MYO5A: variants seen among roughly 807,000 people sequenced by gnomAD.
MYO5A encodes the protein unconventional myosin-Va.
In MYO5A, 98 loss-of-function variants were observed where a neutral mutation model predicts 249.7. That is an observed-to-expected ratio of 0.39 (90% CI 0.33 to 0.46). The LOEUF is 0.46. Ranked by LOEUF, MYO5A falls within the 20% of genes least tolerant of loss-of-function variation. The probability of loss-of-function intolerance (pLI) is 0.98; values close to 1 mark genes in which losing one functional copy is unlikely to be tolerated. For synonymous variants in MYO5A, 778 were observed against 810.6 expected (o/e 0.96, Z 0.68); for missense variants, 1,696 against 2,308.8 (o/e 0.73, Z 5.44).
chr15:52,410,866 A>T (rs1250404264), intron 5 of MYO5A, among the ~76,000 whole-genome samples: 3 of 152,174 alleles, frequency 2.0e-5, no homozygotes, highest in African/African-American at 7.2e-5. Context: ...GTGAGCCACC[A>T]CACCTGGCCA....
chr15:52,474,133 T>C (rs979750222), intron 1 of MYO5A, among the ~76,000 whole-genome samples: 4 of 152,192 alleles, frequency 2.6e-5, no homozygotes, highest in African/African-American at 9.7e-5. Context: ...TTCCTAGGTA[T>C]TTTATTCTCT....
chr15:52,504,331 C>T (rs2272283), intron 1 of MYO5A, among the ~76,000 whole-genome samples: 22,845 of 151,974 alleles, frequency 0.15, 1,827 homozygotes, highest in Middle Eastern at 0.22. Flanking sequence ...TTTAAAATGC[C>T]GTAAGTACAG....
intron 4 of MYO5A, among the ~76,000 whole-genome samples, chr15:52,425,072 T>G (rs1405537832): frequency 1.3e-5 from 2 of 152,170 alleles, no homozygotes; most frequent in South Asian, 2.1e-4. Context: ...CTGGGCAACA[T>G]AGCAAGACCC....
At chr15:52,526,204 C>T (rs183215115) in intron 1 of MYO5A, among the ~76,000 whole-genome samples, 7 of 152,206 alleles carry the variant, frequency 4.6e-5, no homozygotes, top group Non-Finnish European at 7.4e-5. Context: ...TTTCAACACA[C>T]GGTCTTGCTG....
intron 4 of MYO5A, among the ~76,000 whole-genome samples, chr15:52,419,759 T>C (rs898137291): frequency 3.3e-5 from 5 of 152,190 alleles, no homozygotes; most frequent in Non-Finnish European, 7.4e-5. Context: ...GAGTTTTCTG[T>C]TCCATCAGTA....
At chr15:52,505,963 C>CAAAGTGATGGG in intron 1 of MYO5A, 2 of 1,084,186 alleles carry the variant, frequency 1.8e-6, no homozygotes, top group Non-Finnish European at 2.6e-6. Context: ...CCTGTAATCC[C>CAAAGTGATGGG]ATCACTTTGG....
intron 41 of MYO5A, 79 bp from the exon 42 acceptor site, chr15:52,313,927 C>T: frequency 6.5e-7 from 1 of 1,528,974 alleles, no homozygotes; most frequent in Non-Finnish European, 9.0e-7. Context: ...AAATTTCTAC[C>T]CTCAAATTCT....
rs1023015279 is a variant in MYO5A, at chr15:52,415,692, T to C, written c.612+453A>G. On this transcript the variant is annotated intron_variant, in intron 5 of 41. Transcript: ENST00000399233. ...CTGAGGTCGGACTAAGTACAGAAAA[T>C]GAAATATGGGCAAAGGAATAAGGAA... Among the ~76,000 whole-genome samples the C allele has an allele frequency of 3.0e-4, 46 of 152,168 alleles. 1 individual carries two copies. Among genetic ancestry groups the C allele is most frequent in the South Asian group, 2.1e-3 (10 of 4,824 alleles).
chr15:52,411,116 C>T (rs1263428864), intron 5 of MYO5A, among the ~76,000 whole-genome samples: 1 of 152,178 alleles, frequency 6.6e-6, no homozygotes, highest in Non-Finnish European at 1.5e-5. Context: ...ATGGGAGCTG[C>T]CAAGGCATAG....
chr15:52,333,021 G>T (rs1470561817), intron 34 of MYO5A, among the ~76,000 whole-genome samples: 2 of 152,150 alleles, frequency 1.3e-5, no homozygotes, highest in African/African-American at 4.8e-5. Flanking sequence ...TCCACCTTCT[G>T]CCATGTAAGA....
At position 52,458,505 on chromosome 15, in the gene MYO5A, C is replaced by T. The variant is rs147869822; in HGVS notation, c.28-25220G>A. Reference sequence around the variant, plus strand: ...CGTGGTGGCATGCACCTGTAGTCCCCGCCACTAGAGAGGCTGAGGTGAGAG... The same window carrying T: ...CGTGGTGGCATGCACCTGTAGTCCCTGCCACTAGAGAGGCTGAGGTGAGAG... On this transcript the variant is annotated intron_variant, in intron 1 of 41. Transcript: ENST00000399233. Among the ~76,000 whole-genome samples the T allele has an allele frequency of 6.9e-3, 1,045 of 151,836 alleles. 18 individuals carry two copies. The highest frequency in any genetic ancestry group is 0.024 in the African/African-American group (994 of 41,412).
At chr15:52,412,911 G>A (rs2043310122) in intron 5 of MYO5A, among the ~76,000 whole-genome samples, 1 of 152,164 alleles carries the variant, frequency 6.6e-6, no homozygotes, top group South Asian at 2.1e-4. Flanking sequence ...ACTTTGGGAG[G>A]CCAAGGCGGG....
chr15:52,352,304 T>C (rs1386343578), intron 27 of MYO5A, among the ~76,000 whole-genome samples: 6 of 152,172 alleles, frequency 3.9e-5, no homozygotes, highest in Non-Finnish European at 5.9e-5. Flanking sequence ...TGTCACAAGA[T>C]ACTGGTTGGG....
intron 3 of MYO5A, among the ~76,000 whole-genome samples, chr15:52,427,736 G>C (rs2075427227): frequency 6.6e-6 from 1 of 152,138 alleles, no homozygotes; most frequent in African/African-American, 2.4e-5. Flanking sequence ...AGAGTGATTA[G>C]TGAAAGAATG....
chr15:52,376,826 T>G (rs2041438300), intron 18 of MYO5A, among the ~76,000 whole-genome samples: 1 of 152,156 alleles, frequency 6.6e-6, no homozygotes, highest in Non-Finnish European at 1.5e-5. Flanking sequence ...TGGTTGTGGG[T>G]TATAGGCAGT....
rs543354642 is a variant in MYO5A at position 52,516,284 on chromosome 15, C to T, written c.27+12496G>A. Among the ~76,000 whole-genome samples the T allele has an allele frequency of 2.0e-5, 3 of 152,282 alleles. No individual in the cohort carries two copies. In the South Asian group the frequency reaches 6.2e-4, roughly 32 times the overall value. On this transcript the variant is annotated intron_variant, in intron 1 of 41. Coordinates refer to ENST00000399233, the MANE Select transcript of MYO5A (RefSeq NM_001382347.1). The stretch of plus-strand genomic sequence containing the variant: ...GGAAGGAAACAGTTGCAACAAAGCC[C>T]TCAGAATAGTATCTGGCCTACAGTA...
intron 1 of MYO5A, among the ~76,000 whole-genome samples, chr15:52,509,393 G>A (rs908664064): frequency 6.6e-6 from 1 of 152,114 alleles, no homozygotes; most frequent in Admixed American, 6.6e-5. Flanking sequence ...TCCCAACTCT[G>A]GCTAATCTCT....
In MYO5A at chr15:52,488,837, A is replaced by G. The variant is rs750885958; in HGVS notation, c.27+39943T>C. Among the ~76,000 whole-genome samples, 9 of 152,376 alleles carry G rather than the reference A, an allele frequency of 5.9e-5. 1 individual carries two copies. Among genetic ancestry groups the G allele is most frequent in the Admixed American group, 1.3e-4 (2 of 15,306 alleles). The stretch of plus-strand genomic sequence containing the variant: ...AGTTTAAAAAGCTAAACTAAAAAGT[A>G]TAAATGACACTTAATAACAAATAAT... On this transcript the variant is annotated intron_variant, in intron 1 of 41. Coordinates refer to ENST00000399233, the MANE Select transcript of MYO5A (RefSeq NM_001382347.1).
At chr15:52,371,716 A>G (rs1000025611) in intron 21 of MYO5A, among the ~76,000 whole-genome samples, 2 of 151,956 alleles carry the variant, frequency 1.3e-5, no homozygotes, top group East Asian at 1.9e-4. Flanking sequence ...TACAAAATAA[A>G]AAAATTAGCT....
Sources: gnomAD v4.1 joint callset for allele counts (sites outside exome capture counted in the v4.1 genomes callset) on GRCh38, gnomAD v4.1.1 for gene constraint, MANE v1.5 for transcripts, NCBI Gene and HGNC (gene_info 2026-07-23, HGNC 2026-07-21) for gene names.